SEC14L3: variants seen among roughly 807,000 people sequenced by gnomAD.
SEC14L3 encodes SEC14-like protein 3.
A neutral mutation model predicts 57.4 loss-of-function variants in SEC14L3; 56 were observed. That is an observed-to-expected ratio of 0.97 (90% CI 0.79 to 1.22). The LOEUF (loss-of-function observed/expected upper bound fraction) is 1.22. Ranked by LOEUF, SEC14L3 falls within the 50% of genes most tolerant of loss-of-function variation. The pLI is 0.00. For synonymous variants in SEC14L3, 173 were observed against 194.4 expected (o/e 0.89, Z 0.92); for missense variants, 485 against 511.7 (o/e 0.95, Z 0.50).
chr22:30,457,397 T>C (rs1601812570), downstream of SEC14L3, among the ~76,000 whole-genome samples: 1 of 96,568 alleles, frequency 1.0e-5, no homozygotes, highest in Non-Finnish European at 2.0e-5. Flanking sequence ...TTTTTTTTTT[T>C]TTTTAGATGG....
intron 11 of SEC14L3, 37 bp downstream of exon 11, chr22:30,461,273 G>C: frequency 6.5e-7 from 1 of 1,544,642 alleles, no homozygotes; most frequent in Non-Finnish European, 8.7e-7. Flanking sequence ...GGTGGCTCTA[G>C]CCTTTCAGAG....
intron 9 of SEC14L3, 144 bp downstream of exon 9, chr22:30,461,942 C>T (rs1037297957): frequency 9.6e-7 from 1 of 1,041,938 alleles, no homozygotes; most frequent in Non-Finnish European, 1.4e-6. Flanking sequence ...GCTGAGAGCT[C>T]TGTAAGGGCG....
chr22:30,461,208 T>C, intron 11 of SEC14L3, 102 bp downstream of exon 11: 1 of 1,402,820 alleles, frequency 7.1e-7, no homozygotes, highest in Admixed American at 2.3e-5. Context: ...TGTGTGTCCC[T>C]GAATGGGGGA....
At chr22:30,469,897 A>C (rs749743667) in intron 4 of SEC14L3, 122 bp downstream of exon 4, 4 of 708,518 alleles carry the variant, frequency 5.6e-6, no homozygotes, top group Admixed American at 2.5e-5. Context: ...ACTGTAGGAA[A>C]GGAGACTGCA....
chr22:30,460,129 G>A lies in SEC14L3; in HGVS notation c.1095C>T (p.Phe365=), dbSNP rs745488334. The change falls in exon 12 of 12, where the codon TTC becomes TTT. Residue 365 remains phenylalanine (F), a synonymous_variant. Coordinates refer to ENST00000215812, the MANE Select transcript of SEC14L3 (RefSeq NM_174975.5). ...CGTGGACAAAGCTATAGGTGTTGTC[G>A]AAGCGTAGGACATCTGGGGGACAGA... The part of the protein sequence containing the change: ...CSEAGVYVLR[F]DNTYSFVHAK... 9.3e-6 allele frequency: 15 copies of A among 1,613,944 alleles called. No individual in the cohort carries two copies. The highest frequency in any genetic ancestry group is 3.3e-5 in the South Asian group (3 of 91,062).
chr22:30,459,928 AG>A lies in SEC14L3; in HGVS notation c.*92del. On this transcript the variant is annotated 3_prime_UTR_variant, in exon 12 of 12. Transcript: ENST00000215812. Reference sequence around the variant, plus strand: ...TACTCACTAACGTCACAGAGTCAGGAGGACTAACAATCAATTTCAGGGAGGG... The same window carrying A: ...TACTCACTAACGTCACAGAGTCAGGAGACTAACAATCAATTTCAGGGAGGG... 6.5e-7 allele frequency: 1 copy of A among 1,529,438 alleles called. No individual in the cohort carries two copies. The highest frequency in any genetic ancestry group is 2.0e-5 in the Admixed American group (1 of 50,648). The allele number at this position is 1,529,438 out of a possible 1,614,324, so 94.7% of individuals were successfully genotyped here.
chr22:30,469,770 C>A (rs188785789), intron 4 of SEC14L3, among the ~76,000 whole-genome samples: 3 of 152,208 alleles, frequency 2.0e-5, no homozygotes, highest in African/African-American at 7.2e-5. Flanking sequence ...GCTTCAGTGT[C>A]CTCATCCACA....
rs1028832658 is a variant in SEC14L3 at position 30,469,064 on chromosome 22, T to A, written c.235-368A>T. On this transcript the variant is annotated intron_variant, in intron 4 of 11. Coordinates refer to ENST00000215812, the MANE Select transcript of SEC14L3 (RefSeq NM_174975.5). ...TGGGCATGGAGGCTCATGCCTGTAA[T>A]CCCAGCTACTCAGGAGGTTGAGGCA... 6.4e-6 allele frequency: 6 copies of A among 932,024 alleles called. No homozygotes were observed. In the African/African-American group the frequency reaches 1.0e-4, roughly 16 times the overall value. The allele number at this position is 932,024 out of a possible 1,614,324, so 57.7% of individuals were successfully genotyped here. A position where few individuals can be genotyped will look rare whatever the true frequency, so the allele number is the denominator to read the frequency against.
At chr22:30,449,820 C>T (rs1934947430) in intron 12 of SEC14L3, among the ~76,000 whole-genome samples, 1 of 152,150 alleles carries the variant, frequency 6.6e-6, no homozygotes, top group South Asian at 2.1e-4. Flanking sequence ...CTGCCTTGGC[C>T]TCCCAAAGTG....
intron 11 of SEC14L3, among the ~76,000 whole-genome samples, chr22:30,460,948 C>G (rs1487260722): frequency 6.6e-6 from 1 of 152,142 alleles, no homozygotes; most frequent in Non-Finnish European, 1.5e-5. Context: ...ATGTAGCTAC[C>G]CTGAGGCTCG....
chr22:30,454,675 TTATTATATAA>T (rs1404621751), downstream of SEC14L3, among the ~76,000 whole-genome samples: 32 of 101,754 alleles, frequency 3.1e-4, no homozygotes, highest in African/African-American at 1.3e-3. Context: ...ATCTATAATA[TTATTATATAA>T]TCTATAATCC....
chr22:30,471,090 GC>G (rs759570179), intron 1 of SEC14L3: 5 of 334,458 alleles, frequency 1.5e-5, no homozygotes, highest in African/African-American at 4.4e-5. Context: ...TTTGAGACCA[GC>G]CTGGCCAACA....
Position 30,464,862 on chromosome 22 carries a change from A to G in SEC14L3, c.622T>C (p.Phe208Leu), listed in dbSNP as rs1169232750. The change falls in exon 8 of 12, where the codon TTC becomes CTC. Residue 208 changes from phenylalanine to leucine, a missense_variant. Coordinates refer to ENST00000215812, the MANE Select transcript of SEC14L3 (RefSeq NM_174975.5). ...TTCCTGCGAGTGTCCTCACTCAGGA[A>G]TGGCTTCATGAGGTTGTAGCCCACA... Reference protein sequence around the residue: ...FPVGYNLMKPFLSEDTRRKII... With the variant: ...FPVGYNLMKPLLSEDTRRKII... 1.9e-6 allele frequency: 3 copies of G among 1,614,184 alleles called. No homozygotes were observed. Among genetic ancestry groups the G allele is most frequent in the East Asian group, 2.2e-5 (1 of 44,884 alleles).
At chr22:30,466,005 G>A (rs1454300615) in intron 7 of SEC14L3, among the ~76,000 whole-genome samples, 3 of 152,188 alleles carry the variant, frequency 2.0e-5, no homozygotes, top group Non-Finnish European at 4.4e-5. Context: ...AAAACAGCTG[G>A]AGATCCCTAA....
chr22:30,461,405 C>T lies in SEC14L3; in HGVS notation c.986G>A (p.Arg329Gln), dbSNP rs560939192. 2.1e-5 allele frequency: 34 copies of T among 1,614,070 alleles called. No individual in the cohort carries two copies. The highest frequency in any genetic ancestry group is 1.7e-4 in the African/African-American group (13 of 75,012). Residue 329 changes from arginine to glutamine, a missense_variant, in exon 11 of 12, where the codon CGG becomes CAG. Physicochemically the swap from Arg to Gln is conservative, Grantham distance 43. Coordinates refer to ENST00000215812, the MANE Select transcript of SEC14L3 (RefSeq NM_174975.5). The stretch of plus-strand genomic sequence containing the variant: ...TAGAACATCTGTCATCTCCCCTGCC[C>T]GCTGTCGCTCCCCCATCTTGGTCTT... ...FLKTKMGERQ[R>Q]AGEMTDVLPS...
Position 30,459,997 on chromosome 22 carries a change from G to A in SEC14L3, c.*24C>T. The A allele has an allele frequency of 6.2e-7, 1 of 1,612,816 alleles. No individual in the cohort carries two copies. Among genetic ancestry groups the A allele is most frequent in the South Asian group, 1.1e-5 (1 of 90,956 alleles). On this transcript the variant is annotated 3_prime_UTR_variant, in exon 12 of 12. Coordinates refer to ENST00000215812, the MANE Select transcript of SEC14L3 (RefSeq NM_174975.5). ...AACAGAGAAATCAAAGGGTTAGGAG[G>A]TCTCTGAGAAATGAGGGAGCCACCT...
At chr22:30,453,969 A>G (rs550664827) in intron 12 of SEC14L3, among the ~76,000 whole-genome samples, 13 of 152,164 alleles carry the variant, frequency 8.5e-5, no homozygotes, top group East Asian at 5.8e-4. Context: ...CCTCCCCCCA[A>G]CTGCTGTCCA....
intron 5 of SEC14L3, 59 bp from the exon 6 acceptor site, chr22:30,467,136 T>A: frequency 1.2e-6 from 2 of 1,607,942 alleles, no homozygotes; most frequent in South Asian, 2.2e-5. Flanking sequence ...TGGGAGATGG[T>A]AATCCAAGTA....
chr22:30,461,555 C>G lies in SEC14L3; in HGVS notation c.911G>C (p.Arg304Thr). Residue 304 changes from arginine to threonine, a missense_variant and splice_region_variant, in exon 10 of 12, where the codon AGG becomes ACG. Transcript: ENST00000215812. ...YEILFPGCVL[R>T]WQFSSDGADI... ...CTGAGGGGTTAGGGCCTGCCCCTACCTGAGAACGCAGCCTGGAAATAGGAT... is the reference window on the plus strand; with the variant it reads ...CTGAGGGGTTAGGGCCTGCCCCTACGTGAGAACGCAGCCTGGAAATAGGAT... The G allele has an allele frequency of 6.2e-7, 1 of 1,614,006 alleles. No individual in the cohort carries two copies. Among genetic ancestry groups the G allele is most frequent in the Non-Finnish European group, 8.5e-7 (1 of 1,180,010 alleles).
Sources: gnomAD v4.1 joint callset for allele counts (sites outside exome capture counted in the v4.1 genomes callset) on GRCh38, gnomAD v4.1.1 for gene constraint, MANE v1.5 for transcripts, NCBI Gene and HGNC (gene_info 2026-07-23, HGNC 2026-07-21) for gene names.